Variants in C8orf82 observed in about 807,000 individuals in gnomAD.
C8orf82 encodes the protein UPF0598 protein C8orf82.
A neutral mutation model predicts 15.0 loss-of-function variants in C8orf82; 24 were observed. That is an observed-to-expected ratio of 1.60 (90% CI 1.16 to 2.24). The LOEUF (loss-of-function observed/expected upper bound fraction) is 2.24. Among genes scored for constraint, C8orf82 ranks in the 30% most tolerant of loss-of-function variants. The probability of loss-of-function intolerance (pLI) is 0.00; values close to 1 mark genes in which losing one functional copy is unlikely to be tolerated. For synonymous variants in C8orf82, 205 were observed against 152.2 expected, an observed-to-expected ratio of 1.35 and a Z score of -2.55; for missense variants, 388 against 317.4, an observed-to-expected ratio of 1.22 and a Z score of -1.69.
chr8:144,527,355 G>A lies in C8orf82; in HGVS notation c.638C>T (p.Ala213Val). 1.7e-6 allele frequency: 2 copies of A among 1,210,636 alleles called. No homozygotes were observed. The highest frequency in any genetic ancestry group is 2.1e-6 in the Non-Finnish European group (2 of 969,490). The allele number at this position is 1,210,636 out of a possible 1,614,324, so 75.0% of individuals were successfully genotyped here. Residue 213 changes from alanine (A) to valine (V), a missense_variant, in exon 3 of 3, where the codon GCT becomes GTT. Coordinates refer to ENST00000524821, the MANE Select transcript of C8orf82 (RefSeq NM_001001795.2). Reference sequence around the variant, plus strand: ...CCTTGGCCCCGCTCAGGGCGACCGAGCCGCGAGCAGCAGCGGGGCCAGGTC... The same window carrying A: ...CCTTGGCCCCGCTCAGGGCGACCGAACCGCGAGCAGCAGCGGGGCCAGGTC... Reference protein sequence around the residue: ...TMDLAPLLLAARSP With the variant: ...TMDLAPLLLAVRSP
chr8:144,528,520 A>AT, intron 1 of C8orf82: 3 of 1,395,410 alleles, frequency 2.1e-6, no homozygotes, highest in Non-Finnish European at 2.8e-6. Context: ...GACGCGGCCC[A>AT]TGTAGGAGCC....
Position 144,527,440 on chromosome 8 carries a change from C to T in C8orf82, c.553G>A (p.Gly185Ser). 1 of 1,238,396 alleles carries T rather than the reference C, an allele frequency of 8.1e-7. No homozygotes were observed. 76.7% of individuals were successfully genotyped at this position (1,238,396 alleles called of 1,614,324 possible). ...ACGTGCGAGGGCAGCGCAGGCGCGC[C>T]GGGCCCGTACTCGAAGCAGGCGCTG... Reference protein sequence around the residue: ...ELSACFEYGPGAPALPSHVRW... With the variant: ...ELSACFEYGPSAPALPSHVRW... Residue 185 changes from glycine (G) to serine (S), a missense_variant, in exon 3 of 3, where the codon GGC (glycine) becomes AGC (serine). Gly to Ser is a moderately conservative substitution (Grantham distance 56). Coordinates refer to ENST00000524821, the MANE Select transcript of C8orf82 (RefSeq NM_001001795.2).
At position 144,527,404 on chromosome 8, in the gene C8orf82, C is replaced by A; in HGVS notation, c.589G>T (p.Gly197Cys). ...PALPSHVRWQ[G>C]RRLALTMDLA... is the part of the protein sequence containing the mutation. ...TCCATGGTGAGGGCGAGGCGGCGGC[C>A]CTGCCAGCGCACGTGCGAGGGCAGC... The change falls in exon 3 of 3, where the codon GGC becomes TGC. Residue 197 changes from glycine (G) to cysteine (C), a missense_variant. Physicochemically the swap from Gly to Cys is radical, Grantham distance 159. Transcript: ENST00000524821. 8.1e-7 allele frequency: 1 copy of A among 1,241,760 alleles called. No homozygotes were observed. 76.9% of individuals were successfully genotyped at this position (1,241,760 alleles called of 1,614,324 possible). A position where few individuals can be genotyped will look rare whatever the true frequency, so the allele number is the denominator to read the frequency against.
rs1328420404 is a variant in C8orf82 at position 144,528,987 on chromosome 8, C to G, written c.-71G>C. On this transcript the variant is annotated 5_prime_UTR_variant, in exon 1 of 3. Transcript: ENST00000524821. The stretch of plus-strand genomic sequence containing the variant: ...TGCTGCGCGAACTCGCGCCTGCCCG[C>G]AGTAGCCCCGCGCTTCGCGTTCCGG... 1.4e-6 allele frequency: 2 copies of G among 1,391,684 alleles called. No individual in the cohort carries two copies. The highest frequency in any genetic ancestry group is 9.3e-7 in the Non-Finnish European group (1 of 1,073,628). 86.2% of individuals were successfully genotyped at this position (1,391,684 alleles called of 1,614,324 possible).
chr8:144,528,616 C>CCGG, intron 1 of C8orf82, 145 bp downstream of exon 1: 1 of 296,002 alleles, frequency 3.4e-6, no homozygotes, highest in Non-Finnish European at 5.1e-6. Context: ...GCGCAGGCCC[C>CCGG]GCCCACCCAC....
rs1413158304 is a variant in C8orf82, at chr8:144,527,558, C to T, written c.435G>A (p.Leu145=). ...ALAVPFEPAR[L]LPLAANGRLY... ...GGCGCCCGTTGGCGGCCAGGGGCAG[C>T]AGGCGCGCCGGCTCGAAGGGCACGG... Residue 145 remains leucine, a synonymous_variant, in exon 3 of 3, where the codon CTG becomes CTA. Coordinates refer to ENST00000524821, the MANE Select transcript of C8orf82 (RefSeq NM_001001795.2). 2 of 1,423,600 alleles carry T rather than the reference C, an allele frequency of 1.4e-6. No homozygotes were observed. The highest frequency in any genetic ancestry group is 1.8e-6 in the Non-Finnish European group (2 of 1,097,640). 88.2% of individuals were successfully genotyped at this position (1,423,600 alleles called of 1,614,324 possible). A position where few individuals can be genotyped will look rare whatever the true frequency, so the allele number is the denominator to read the frequency against.
In C8orf82 at chr8:144,527,357, C is replaced by T; in HGVS notation, c.636G>A (p.Ala212=). 2 of 1,211,760 alleles carry T rather than the reference C, an allele frequency of 1.7e-6. No homozygotes were observed. Among genetic ancestry groups the T allele is most frequent in the South Asian group, 2.6e-5 (1 of 39,008 alleles). The allele number at this position is 1,211,760 out of a possible 1,614,324, so 75.1% of individuals were successfully genotyped here. Residue 212 remains alanine, a synonymous_variant, in exon 3 of 3, where the codon GCG becomes GCA. Transcript: ENST00000524821. ...TTGGCCCCGCTCAGGGCGACCGAGC[C>T]GCGAGCAGCAGCGGGGCCAGGTCCA... ...LTMDLAPLLL[A]ARSP
At chr8:144,528,492 G>A (rs1816469942) in intron 1 of C8orf82, 1 of 1,444,812 alleles carries the variant, frequency 6.9e-7, no homozygotes, top group Non-Finnish European at 9.1e-7. Flanking sequence ...AGAGTCCGAA[G>A]CTGCACAACG....
rs371285020 is a variant in C8orf82, at chr8:144,527,714, G to A, written c.279C>T (p.Pro93=). The stretch of plus-strand genomic sequence containing the variant: ...GCTCTCTGCCGCAGGGCGAGAGGAA[G>A]GGGAAAGCGGCCTCGTAGCGCCCGC... ...NRSGRYEAAF[P]FLSPCGRERN... is the part of the protein sequence containing the mutation. Residue 93 remains proline (P), a synonymous_variant, in exon 3 of 3, where the codon CCC becomes CCT. Coordinates refer to ENST00000524821, the MANE Select transcript of C8orf82 (RefSeq NM_001001795.2). 5 of 1,590,150 alleles carry A rather than the reference G, an allele frequency of 3.1e-6. No individual in the cohort carries two copies. In the African/African-American group the frequency reaches 6.7e-5, roughly 21 times the overall value.
Position 144,527,331 on chromosome 8 carries a change from C to A in C8orf82, c.*11G>T, listed in dbSNP as rs1816403478. The A allele has an allele frequency of 2.6e-6, 3 of 1,171,236 alleles. No homozygotes were observed. Among genetic ancestry groups the A allele is most frequent in the South Asian group, 7.0e-5 (2 of 28,520 alleles). 72.6% of individuals were successfully genotyped at this position (1,171,236 alleles called of 1,614,324 possible). On this transcript the variant is annotated 3_prime_UTR_variant, in exon 3 of 3. Transcript: ENST00000524821. ...GGCGCCCGCGGCCTCCCGCCTTTCC[C>A]TTGGCCCCGCTCAGGGCGACCGAGC...
Position 144,527,515 on chromosome 8 carries a change from C to T in C8orf82, c.478G>A (p.Glu160Lys), listed in dbSNP as rs1230007383. ...ANGRLYHPAPERAGGVGLVRS... is the reference protein window; with the variant it reads ...ANGRLYHPAPKRAGGVGLVRS... ...ACCAGGCCCACGCCGCCCGCACGCT[C>T]CGGCGCCGGGTGGTACAGGCGCCCG... is the stretch of plus-strand genomic sequence containing the variant. Residue 160 changes from glutamate to lysine, a missense_variant, in exon 3 of 3, where the codon GAG (glutamate) becomes AAG (lysine). By Grantham distance (56) the Glu-to-Lys change is moderately conservative. Coordinates refer to ENST00000524821, the MANE Select transcript of C8orf82 (RefSeq NM_001001795.2). The T allele has an allele frequency of 2.3e-6, 3 of 1,330,682 alleles. No homozygotes were observed. Among genetic ancestry groups the T allele is most frequent in the African/African-American group, 1.6e-5 (1 of 63,568 alleles). The allele number at this position is 1,330,682 out of a possible 1,614,324, so 82.4% of individuals were successfully genotyped here. A position where few individuals can be genotyped will look rare whatever the true frequency, so the allele number is the denominator to read the frequency against.
chr8:144,528,073 C>T lies in C8orf82; in HGVS notation c.157-1G>A, dbSNP rs367787193. The stretch of plus-strand genomic sequence containing the variant: ...TCATTTTGGAATCATCCAGGAAAAG[C>T]TGCAGATAGAGGGCCAGGCCGTGAT... On this transcript the variant is annotated splice_acceptor_variant, in intron 1 of 2. Transcript: ENST00000524821. LOFTEE classifies it high-confidence loss of function. 1.2e-6 allele frequency: 2 copies of T among 1,612,828 alleles called. No individual in the cohort carries two copies. The highest frequency in any genetic ancestry group is 2.2e-5 in the East Asian group (1 of 44,876).
Position 144,527,761 on chromosome 8 carries a change from A to C in C8orf82, c.232T>G (p.Ser78Ala). 1.9e-6 allele frequency: 3 copies of C among 1,594,576 alleles called. No individual in the cohort carries two copies. Among genetic ancestry groups the C allele is most frequent in the East Asian group, 2.2e-5 (1 of 44,720 alleles). The change falls in exon 3 of 3, where the codon TCC becomes GCC. Residue 78 changes from serine (S) to alanine (A), a missense_variant. Transcript: ENST00000524821. The part of the protein sequence containing the change: ...KDPQFLVTFF[S>A]RLRPNRSGRY... ...CCGCTGCGGTTGGGTCTCAGGCGGG[A>C]GAAGAAGGTGACCAGGAACTGCGGG...
At position 144,525,758 on chromosome 8, in the gene C8orf82, G is replaced by A. The variant is rs1816338366; in HGVS notation, c.*1584C>T. On this transcript the variant is annotated 3_prime_UTR_variant, in exon 3 of 3. Transcript: ENST00000524821. ...TGCTTCCCATGCCGGTCCCCAGAAA[G>A]GTGTCCTGTCTTTGGGGATAGATGG... 1 of 152,176 alleles carries A rather than the reference G, an allele frequency of 6.6e-6. No individual in the cohort carries two copies. Among genetic ancestry groups the A allele is most frequent in the Admixed American group, 6.5e-5 (1 of 15,272 alleles). 9.4% of individuals were successfully genotyped at this position (152,176 alleles called of 1,614,324 possible). A position where few individuals can be genotyped will look rare whatever the true frequency, so the allele number is the denominator to read the frequency against.
In C8orf82 at chr8:144,527,471, G is replaced by C. The variant is rs1223669947; in HGVS notation, c.522C>G (p.Phe174Leu). 8 of 1,248,058 alleles carry C rather than the reference G, an allele frequency of 6.4e-6. No homozygotes were observed. Among genetic ancestry groups the C allele is most frequent in the Non-Finnish European group, 7.0e-6 (7 of 995,022 alleles). 77.3% of individuals were successfully genotyped at this position (1,248,058 alleles called of 1,614,324 possible). A position where few individuals can be genotyped will look rare whatever the true frequency, so the allele number is the denominator to read the frequency against. ...GVGLVRSALA[F>L]ELSACFEYGP... ...CGTACTCGAAGCAGGCGCTGAGCTC[G>C]AAGGCCAGGGCGGAGCGCACCAGGC... Residue 174 changes from phenylalanine to leucine, a missense_variant, in exon 3 of 3, where the codon TTC (phenylalanine) becomes TTG (leucine). Physicochemically the swap from Phe to Leu is conservative, Grantham distance 22. Coordinates refer to ENST00000524821, the MANE Select transcript of C8orf82 (RefSeq NM_001001795.2).
chr8:144,527,917 G>C, intron 2 of C8orf82, 107 bp downstream of exon 2: 3 of 1,498,978 alleles, frequency 2.0e-6, no homozygotes, highest in African/African-American at 2.7e-5. Context: ...CCTGAGCGCA[G>C]GACGCCCACT....
At position 144,527,789 on chromosome 8, in the gene C8orf82, TG is replaced by T. The variant is rs1267777550; in HGVS notation, c.206-3del. On this transcript the variant is annotated splice_region_variant and splice_polypyrimidine_tract_variant and intron_variant, in intron 2 of 2. Coordinates refer to ENST00000524821, the MANE Select transcript of C8orf82 (RefSeq NM_001001795.2). ...AGAAGGTGACCAGGAACTGCGGGTC[TG>T]GGGGATGAAGGGTGCGTGTACTCAG... is the stretch of plus-strand genomic sequence containing the variant. 1 of 1,594,140 alleles carries T rather than the reference TG, an allele frequency of 6.3e-7. No homozygotes were observed. Among genetic ancestry groups the T allele is most frequent in the Admixed American group, 1.7e-5 (1 of 59,502 alleles).
At chr8:144,528,731 C>T (rs1181794332) in intron 1 of C8orf82, 30 bp downstream of exon 1, 2 of 1,282,380 alleles carry the variant, frequency 1.6e-6, no homozygotes. Context: ...CCGGCCCCGC[C>T]TCTCGAGCAA....
chr8:144,527,342 T>A lies in C8orf82; in HGVS notation c.651A>T (p.Ter217CysextTer151). ...APLLLAARSP[*>C] ...CCTCCCGCCTTTCCCTTGGCCCCGC[T>A]CAGGGCGACCGAGCCGCGAGCAGCA... The change falls in exon 3 of 3, where the codon TGA becomes TGT. Residue 217 changes from the stop codon to cysteine (C), a stop_lost. Coordinates refer to ENST00000524821, the MANE Select transcript of C8orf82 (RefSeq NM_001001795.2). 5.0e-6 allele frequency: 6 copies of A among 1,188,330 alleles called. No homozygotes were observed. The highest frequency in any genetic ancestry group is 6.3e-6 in the Non-Finnish European group (6 of 957,482). The allele number at this position is 1,188,330 out of a possible 1,614,324, so 73.6% of individuals were successfully genotyped here.
Sources: allele counts gnomAD v4.1 joint callset, GRCh38; gene constraint gnomAD v4.1.1; transcripts MANE v1.5; gene names NCBI Gene and HGNC (gene_info 2026-07-23, HGNC 2026-07-21).